Variants in ZBTB21 observed in about 807,000 individuals in gnomAD.
ZBTB21 encodes zinc finger and BTB domain-containing protein 21.
Under a neutral mutation model 39.8 loss-of-function variants are expected in ZBTB21, and 10 were observed. The observed-to-expected ratio is 0.25, with a 90% CI of 0.16 to 0.43. The LOEUF (loss-of-function observed/expected upper bound fraction) is 0.43. Ranked by LOEUF, ZBTB21 falls within the 20% of genes least tolerant of loss-of-function variation. The probability of loss-of-function intolerance (pLI) is 1.00; values close to 1 mark genes in which losing one functional copy is unlikely to be tolerated. For missense variants in ZBTB21, 1,221 were observed against 1,296.3 expected (o/e 0.94, Z 0.89); for synonymous variants, 551 against 498.8 (o/e 1.10, Z -1.40).
rs928571266 is a variant in ZBTB21, at chr21:41,990,235, C to T, written c.*660G>A. 1 of 152,574 alleles carries T rather than the reference C, an allele frequency of 6.6e-6. No homozygotes were observed. Among genetic ancestry groups the T allele is most frequent in the African/African-American group, 2.4e-5 (1 of 41,440 alleles). The allele number at this position is 152,574 out of a possible 1,614,324, so 9.5% of individuals were successfully genotyped here. A position where few individuals can be genotyped will look rare whatever the true frequency, so the allele number is the denominator to read the frequency against. Reference sequence around the variant, plus strand: ...CAGGTCTTCCTTAGAGTTTAACTATCATTTATTATATTGACTGAGAGCAAG... The same window carrying T: ...CAGGTCTTCCTTAGAGTTTAACTATTATTTATTATATTGACTGAGAGCAAG... On this transcript the variant is annotated 3_prime_UTR_variant, in exon 3 of 3. Transcript: ENST00000310826.
chr21:42,008,725 T>A (rs1417319878), intron 1 of ZBTB21, among the ~76,000 whole-genome samples: 1 of 152,114 alleles, frequency 6.6e-6, no homozygotes, highest in Non-Finnish European at 1.5e-5. Context: ...GGTTATATCT[T>A]CTTCAACTTC....
Position 41,990,755 on chromosome 21 carries a change from T to C in ZBTB21, c.*140A>G, listed in dbSNP as rs1276104904. On this transcript the variant is annotated 3_prime_UTR_variant, in exon 3 of 3. Transcript: ENST00000310826. ...GGACATTACTAAGTAATTATCAATT[T>C]GCCTCCAACTTAATTTCAAGCGTAA... 3.8e-6 allele frequency: 3 copies of C among 788,818 alleles called. No individual in the cohort carries two copies. In the African/African-American group the frequency reaches 5.4e-5, roughly 14 times the overall value. The allele number at this position is 788,818 out of a possible 1,614,324, so 48.9% of individuals were successfully genotyped here. A position where few individuals can be genotyped will look rare whatever the true frequency, so the allele number is the denominator to read the frequency against.
At chr21:42,002,410 T>C (rs1355150686) in intron 2 of ZBTB21, 1 of 152,194 alleles carries the variant, frequency 6.6e-6, no homozygotes, top group Admixed American at 6.5e-5. Context: ...AAATCACAAC[T>C]GCTGACGATC....
chr21:41,988,695 A>G lies in ZBTB21; in HGVS notation c.*2200T>C, dbSNP rs1005568806. The G allele has an allele frequency of 5.3e-5, 8 of 152,292 alleles. No individual in the cohort carries two copies. The highest frequency in any genetic ancestry group is 4.6e-4 in the Admixed American group (7 of 15,296). 9.4% of individuals were successfully genotyped at this position (152,292 alleles called of 1,614,324 possible). On this transcript the variant is annotated 3_prime_UTR_variant, in exon 3 of 3. Transcript: ENST00000310826. ...TATTCCTTGCTTAGACAAAAATGTG[A>G]AGACAAAACACCAGTCATTTTTAAA...
chr21:41,995,915 C>T (rs764495380), intron 2 of ZBTB21, among the ~76,000 whole-genome samples: 5 of 152,184 alleles, frequency 3.3e-5, no homozygotes, highest in Admixed American at 1.3e-4. Context: ...CAAGCCTTGG[C>T]GGCTTCCATG....
At chr21:42,002,858 C>CA (rs1464667279) in intron 2 of ZBTB21, 39 bp downstream of exon 2, 1 of 152,200 alleles carries the variant, frequency 6.6e-6, no homozygotes, top group African/African-American at 2.4e-5. Context: ...GAAAACCCCC[C>CA]AGGAAAACCA....
rs555575288 is a variant in ZBTB21 at position 42,002,335 on chromosome 21, G to A, written c.-14+562C>T. On this transcript the variant is annotated intron_variant, in intron 2 of 2. Transcript: ENST00000310826. ...TGTTTTAATGACAGTCAGTATATTT[G>A]AGTTTAACAATTACCTAAAAATATA... 3.9e-5 allele frequency: 6 copies of A among 151,948 alleles called. No homozygotes were observed. The South Asian group carries it at 1.3e-3, about 32-fold the overall frequency. The allele number at this position is 151,948 out of a possible 1,614,324, so 9.4% of individuals were successfully genotyped here. A position where few individuals can be genotyped will look rare whatever the true frequency, so the allele number is the denominator to read the frequency against.
chr21:42,004,502 G>A (rs932906133), intron 1 of ZBTB21, among the ~76,000 whole-genome samples: 17 of 152,084 alleles, frequency 1.1e-4, no homozygotes, highest in Non-Finnish European at 5.9e-5. Context: ...GGGTGAGTGA[G>A]GGGGTGAGAA....
At chr21:42,009,221 G>C (rs896705277) in intron 1 of ZBTB21, 1 of 152,158 alleles carries the variant, frequency 6.6e-6, no homozygotes, top group Non-Finnish European at 1.5e-5. Flanking sequence ...AAAACACCCC[G>C]CCTCCGAACG....
chr21:41,988,353 C>T lies in ZBTB21; in HGVS notation c.*2542G>A, dbSNP rs147136237. 4.3e-3 allele frequency: 648 copies of T among 152,216 alleles called. 9 individuals carry two copies. The highest frequency in any genetic ancestry group is 0.015 in the African/African-American group (620 of 41,534). 9.4% of individuals were successfully genotyped at this position (152,216 alleles called of 1,614,324 possible). ...TACATTTTCAAAATTAATTACAATCCTAAAATATATTTACATGAATATCTT... is the reference window on the plus strand; with the variant it reads ...TACATTTTCAAAATTAATTACAATCTTAAAATATATTTACATGAATATCTT... On this transcript the variant is annotated 3_prime_UTR_variant, in exon 3 of 3. Coordinates refer to ENST00000310826, the MANE Select transcript of ZBTB21 (RefSeq NM_001098402.2).
At chr21:42,009,191 C>G (rs771735954) in intron 1 of ZBTB21, 1 of 152,162 alleles carries the variant, frequency 6.6e-6, no homozygotes, top group Non-Finnish European at 1.5e-5. Context: ...GTCAGGCAAT[C>G]CCACCGGGGC....
chr21:42,009,962 C>A (rs1014144986), intron 1 of ZBTB21, among the ~76,000 whole-genome samples: 2 of 152,198 alleles, frequency 1.3e-5, no homozygotes, highest in East Asian at 1.9e-4. Context: ...GAGTGAAGCC[C>A]GTGAGGGAAT....
chr21:41,992,332 G>A lies in ZBTB21; in HGVS notation c.1764C>T (p.Phe588=). 1 of 1,614,212 alleles carries A rather than the reference G, an allele frequency of 6.2e-7. No individual in the cohort carries two copies. The change falls in exon 3 of 3, where the codon TTC becomes TTT. Residue 588 remains phenylalanine (F), a synonymous_variant. Coordinates refer to ENST00000310826, the MANE Select transcript of ZBTB21 (RefSeq NM_001098402.2). This position sits in a 1 kb window ranked among gnomAD's most constrained non-coding sequence, Gnocchi z 4.1. ...DICHKRFHTN[F]KVWTHCQTQH... is the part of the protein sequence containing the mutation. ...GGGTCTGACAGTGTGTCCACACTTT[G>A]AAGTTGGTGTGAAACCTCTTGTGAC... is the stretch of plus-strand genomic sequence containing the variant.
chr21:41,990,815 T>A lies in ZBTB21; in HGVS notation c.*80A>T. 1 of 1,316,106 alleles carries A rather than the reference T, an allele frequency of 7.6e-7. No individual in the cohort carries two copies. The highest frequency in any genetic ancestry group is 1.0e-6 in the Non-Finnish European group (1 of 1,000,726). 81.5% of individuals were successfully genotyped at this position (1,316,106 alleles called of 1,614,324 possible). ...ACCTTTATTATTCTTGTTTAAAAAA[T>A]ATTTTGTTTCTTATGACACATTTCA... is the stretch of plus-strand genomic sequence containing the variant. On this transcript the variant is annotated 3_prime_UTR_variant, in exon 3 of 3. Transcript: ENST00000310826.
chr21:41,996,831 T>C (rs915557135), intron 2 of ZBTB21, among the ~76,000 whole-genome samples: 10 of 152,224 alleles, frequency 6.6e-5, no homozygotes, highest in African/African-American at 2.4e-4. Context: ...GTCTTTCTTA[T>C]GCTCTTCTTG....
At chr21:42,001,449 G>C (rs748248484) in intron 2 of ZBTB21, among the ~76,000 whole-genome samples, 2 of 152,242 alleles carry the variant, frequency 1.3e-5, no homozygotes, top group African/African-American at 4.8e-5. Flanking sequence ...GGAGCTTAAG[G>C]TCTTGTGCAG....
chr21:42,000,088 T>G (rs568698097), intron 2 of ZBTB21, among the ~76,000 whole-genome samples: 140 of 152,004 alleles, frequency 9.2e-4, no homozygotes, highest in Non-Finnish European at 1.5e-3. Context: ...GCAACGGAGG[T>G]AAAGGCAGAG....
intron 1 of ZBTB21, among the ~76,000 whole-genome samples, chr21:42,008,953 T>C (rs912380650): frequency 2.4e-4 from 37 of 152,352 alleles, no homozygotes; most frequent in African/African-American, 8.4e-4. Flanking sequence ...TAATTTTCCA[T>C]GAGAAATCTT....
At position 41,992,003 on chromosome 21, in the gene ZBTB21, A is replaced by G; in HGVS notation, c.2093T>C (p.Leu698Pro). ...HIKMHPGEKPLGVNKVAKPKE... is the reference protein window; with the variant it reads ...HIKMHPGEKPPGVNKVAKPKE... Reference sequence around the variant, plus strand: ...TGGTTTAGCAACTTTATTTACTCCAAGGGGTTTTTCTCCTGGATGCATTTT... The same window carrying G: ...TGGTTTAGCAACTTTATTTACTCCAGGGGGTTTTTCTCCTGGATGCATTTT... The change falls in exon 3 of 3, where the codon CTT (leucine) becomes CCT (proline). Residue 698 changes from leucine (L) to proline (P), a missense_variant. By Grantham distance (98) the Leu-to-Pro change is moderately conservative. Coordinates refer to ENST00000310826, the MANE Select transcript of ZBTB21 (RefSeq NM_001098402.2). This position sits in a 1 kb window ranked among gnomAD's most constrained non-coding sequence, Gnocchi z 4.1. 1 of 1,614,202 alleles carries G rather than the reference A, an allele frequency of 6.2e-7. No homozygotes were observed.
Sources: gnomAD v4.1 joint callset for allele counts (sites outside exome capture counted in the v4.1 genomes callset) on GRCh38, gnomAD v4.1.1 for gene constraint, Gnocchi (gnomAD v3.1) non-coding constraint, MANE v1.5 for transcripts, NCBI Gene and HGNC (gene_info 2026-07-23, HGNC 2026-07-21) for gene names.